UNC13B: variants seen among roughly 807,000 people sequenced by gnomAD.
The protein encoded by UNC13B is unc-13 homolog B, also known as protein unc-13 homolog B.
A neutral mutation model predicts 211.0 loss-of-function variants in UNC13B; 144 were observed. The observed-to-expected ratio is 0.68, with a 90% CI of 0.60 to 0.78. The LOEUF is 0.78. Among genes scored for constraint, UNC13B ranks in the 30% least tolerant of loss-of-function variants. The probability of loss-of-function intolerance (pLI) is 0.00; values close to 1 mark genes in which losing one functional copy is unlikely to be tolerated. For missense variants in UNC13B, 1,777 were observed against 2,002.0 expected (o/e 0.89, Z 2.14); for synonymous variants, 709 against 725.8 (o/e 0.98, Z 0.37).
chr9:35,204,105 C>G (rs376639501), intron 1 of UNC13B, among the ~76,000 whole-genome samples: 1 of 152,214 alleles, frequency 6.6e-6, no homozygotes, highest in Non-Finnish European at 1.5e-5. Flanking sequence ...TCAGAAGGGC[C>G]CAGGTATAGC....
rs141359909 is a variant in UNC13B, at chr9:35,380,509, A to G, written c.10245A>G (p.Val3415=). 354 of 1,614,100 alleles carry G rather than the reference A, an allele frequency of 2.2e-4. No homozygotes were observed. The highest frequency in any genetic ancestry group is 2.7e-4 in the Non-Finnish European group (315 of 1,180,038). Residue 3415 remains valine (V), a synonymous_variant, in exon 18 of 40, where the codon GTA becomes GTG. Transcript: ENST00000635942. The part of the protein sequence containing the change: ...HNSSDRIKVR[V]WDEDDDIKSR... ...CCTCTGACCGCATTAAGGTGCGTGT[A>G]TGGGATGAGGATGATGACATCAAGT...
In UNC13B at chr9:35,237,736, G is replaced by A. The variant is rs776535464; in HGVS notation, c.304G>A (p.Glu102Lys). Reference sequence around the variant, plus strand: ...TGGGGAATGGTCCACATTAGAGGCAGAGACGTTAATGAAAGACGATGAGAT... The same window carrying A: ...TGGGGAATGGTCCACATTAGAGGCAAAGACGTTAATGAAAGACGATGAGAT... ...GPGEWSTLEAETLMKDDEICG... is the reference protein window; with the variant it reads ...GPGEWSTLEAKTLMKDDEICG... The change falls in exon 5 of 40, where the codon GAG (glutamate) becomes AAG (lysine). Residue 102 changes from glutamate (E) to lysine (K), a missense_variant. Glu to Lys is a moderately conservative substitution (Grantham distance 56, BLOSUM62 1). Coordinates refer to ENST00000635942, the MANE Select transcript of UNC13B (RefSeq NM_001371189.2). 148 of 1,613,856 alleles carry A rather than the reference G, an allele frequency of 9.2e-5. No homozygotes were observed. The highest frequency in any genetic ancestry group is 1.2e-4 in the Non-Finnish European group (144 of 1,179,966).
chr9:35,360,170 T>C (rs1833315311), intron 11 of UNC13B, among the ~76,000 whole-genome samples: 2 of 152,200 alleles, frequency 1.3e-5, no homozygotes, highest in South Asian at 4.1e-4. Context: ...CTAACAACCA[T>C]TTTTTGGATT....
At chr9:35,352,767 A>T in intron 11 of UNC13B, 2 of 1,232,222 alleles carry the variant, frequency 1.6e-6, no homozygotes, top group Non-Finnish European at 2.0e-6. Flanking sequence ...GAACTGTCAG[A>T]GAAAAAGGCT....
chr9:35,381,854 A>T, intron 20 of UNC13B, 135 bp downstream of exon 20: 1 of 1,104,528 alleles, frequency 9.1e-7, no homozygotes, highest in South Asian at 1.5e-5. Context: ...GAGCTGGGTG[A>T]GATGGGTCTA....
In UNC13B at chr9:35,162,186, G is replaced by A; in HGVS notation, c.-98G>A. ...GACCATGAGGAGCTGCCAGACCCGT[G>A]GGGCCGGTAACGAGAGCAGTCGCGG... is the stretch of plus-strand genomic sequence containing the variant. On this transcript the variant is annotated 5_prime_UTR_variant, in exon 1 of 40. Transcript: ENST00000635942. The A allele has an allele frequency of 6.6e-7, 1 of 1,519,936 alleles. No homozygotes were observed. Among genetic ancestry groups the A allele is most frequent in the East Asian group, 2.5e-5 (1 of 40,680 alleles). The allele number at this position is 1,519,936 out of a possible 1,614,324, so 94.2% of individuals were successfully genotyped here. A position where few individuals can be genotyped will look rare whatever the true frequency, so the allele number is the denominator to read the frequency against.
At chr9:35,396,777 C>A in intron 27 of UNC13B, 64 bp from the exon 28 acceptor site, 1 of 1,605,636 alleles carries the variant, frequency 6.2e-7, no homozygotes, top group South Asian at 1.1e-5. Flanking sequence ...TCTGGTGGAG[C>A]TGTCAGGAAG....
intron 1 of UNC13B, among the ~76,000 whole-genome samples, chr9:35,168,887 G>A (rs1479483377): frequency 6.6e-6 from 1 of 151,702 alleles, no homozygotes; most frequent in African/African-American, 2.4e-5. Context: ...TTCCCAGGGT[G>A]GTCTTGAACT....
chr9:35,163,569 C>G (rs984064319), intron 1 of UNC13B, among the ~76,000 whole-genome samples: 1 of 152,158 alleles, frequency 6.6e-6, no homozygotes, highest in Non-Finnish European at 1.5e-5. Context: ...TCCTTTAGAT[C>G]CCTGCTGCTG....
At chr9:35,319,666 A>G (rs1052761872) in intron 11 of UNC13B, among the ~76,000 whole-genome samples, 3 of 150,468 alleles carry the variant, frequency 2.0e-5, no homozygotes, top group African/African-American at 7.3e-5. Context: ...TTTTTTTTTA[A>G]TTTTATTTTT....
At chr9:35,362,958 C>A (rs1014728459) in intron 11 of UNC13B, among the ~76,000 whole-genome samples, 1 of 152,110 alleles carries the variant, frequency 6.6e-6, no homozygotes, top group Non-Finnish European at 1.5e-5. Context: ...GGGTGGGCAT[C>A]AGAGAAGGCT....
intron 11 of UNC13B, among the ~76,000 whole-genome samples, chr9:35,317,679 T>C (rs1273880708): frequency 6.7e-6 from 1 of 150,094 alleles, no homozygotes; most frequent in East Asian, 1.9e-4. Context: ...TGGGCCACCA[T>C]GCCTGGCTAA....
chr9:35,382,114 C>A lies in UNC13B; in HGVS notation c.10656-243C>A, dbSNP rs115948126. On this transcript the variant is annotated intron_variant, in intron 20 of 39. Coordinates refer to ENST00000635942, the MANE Select transcript of UNC13B (RefSeq NM_001371189.2). ...AGAGAACACTAAACTGCAGGGAAAG[C>A]AGCTGTGTATGGAGTTGACCAGGAC... Among the ~76,000 whole-genome samples the A allele has an allele frequency of 7.4e-3, 1,127 of 152,268 alleles. 17 individuals carry two copies. The highest frequency in any genetic ancestry group is 0.026 in the African/African-American group (1,063 of 41,552).
At chr9:35,380,045 A>G (rs990389927) in intron 17 of UNC13B, among the ~76,000 whole-genome samples, 11 of 152,164 alleles carry the variant, frequency 7.2e-5, no homozygotes, top group African/African-American at 2.7e-4. Flanking sequence ...TTATAACCCT[A>G]TGGGCCTACC....
intron 6 of UNC13B, among the ~76,000 whole-genome samples, chr9:35,258,423 G>C (rs1443153737): frequency 1.3e-5 from 2 of 152,164 alleles, no homozygotes; most frequent in Non-Finnish European, 1.5e-5. Flanking sequence ...CCGTGTACTT[G>C]TTTTTGTGGT....
chr9:35,231,035 T>C (rs1046022154), intron 2 of UNC13B, 85 bp from the exon 3 acceptor site: 8 of 850,436 alleles, frequency 9.4e-6, no homozygotes, highest in African/African-American at 1.7e-5. Context: ...CTTTAATTTC[T>C]ATATTGCTTA....
intron 11 of UNC13B, chr9:35,352,794 A>G: frequency 8.1e-7 from 1 of 1,232,198 alleles, no homozygotes; most frequent in Non-Finnish European, 1.0e-6. Context: ...TCTACCCCCC[A>G]TCAGTTTGAG....
At chr9:35,216,128 G>C (rs1197248898) in intron 1 of UNC13B, among the ~76,000 whole-genome samples, 1 of 152,150 alleles carries the variant, frequency 6.6e-6, no homozygotes, top group African/African-American at 2.4e-5. Context: ...TCTAAAATCT[G>C]TAGCATTAAC....
chr9:35,335,890 G>C lies in UNC13B; in HGVS notation c.9414+21901G>C, dbSNP rs1328897240. On this transcript the variant is annotated intron_variant, in intron 11 of 39. Transcript: ENST00000635942. Reference sequence around the variant, plus strand: ...GGCTAATTTTTAAATTTTTCTTGTAGAGATGGGGGTCCCCCTATGTTGCCC... The same window carrying C: ...GGCTAATTTTTAAATTTTTCTTGTACAGATGGGGGTCCCCCTATGTTGCCC... 2.6e-5 allele frequency among the ~76,000 whole-genome samples: 4 copies of C among 152,140 alleles called. No individual in the cohort carries two copies. The East Asian group carries it at 7.7e-4, about 29-fold the overall frequency.
Sources: allele counts gnomAD v4.1 joint callset (sites outside exome capture counted in the v4.1 genomes callset), GRCh38; gene constraint gnomAD v4.1.1; transcripts MANE v1.5; gene names NCBI Gene and HGNC (gene_info 2026-07-23, HGNC 2026-07-21).